The following CFAP46 variants were observed in gnomAD, a reference collection of about 807,000 sequenced individuals.
CFAP46 encodes cilia and flagella associated protein 46, also known as cilia- and flagella-associated protein 46.
In CFAP46, 245 loss-of-function variants were observed where a neutral mutation model predicts 325.7. The observed-to-expected ratio is 0.75, with a 90% confidence interval of 0.68 to 0.84. CFAP46 has a LOEUF of 0.84. CFAP46 is among the 40% of genes least tolerant of loss of function. The probability of loss-of-function intolerance (pLI) is 0.00; values close to 1 mark genes in which losing one functional copy is unlikely to be tolerated. For synonymous variants in CFAP46, 1,523 were observed against 1,495.9 expected (o/e 1.02, Z -0.42); for missense variants, 3,346 against 3,543.0 (o/e 0.94, Z 1.41).
intron 37 of CFAP46, among the ~76,000 whole-genome samples, chr10:132,859,563 A>AGTATCCAGGCG (rs1848695570): frequency 1.3e-5 from 2 of 152,166 alleles, no homozygotes; most frequent in Admixed American, 6.5e-5. Flanking sequence ...CTAGTGGAAC[A>AGTATCCAGGCG]GAAACCCATG....
rs141911793 is a variant in CFAP46, at chr10:132,834,176, G to A, written c.6867-53C>T. On this transcript the variant is annotated intron_variant, in intron 48 of 57. Transcript: ENST00000368586. ...TAAGAAACAGAGATAACAAACGCTT[G>A]GAATATAGGCGACACCTGCTCAGCC... 11,542 of 1,543,016 alleles carry A rather than the reference G, an allele frequency of 7.5e-3. 54 individuals are homozygous for A. Among genetic ancestry groups the A allele is most frequent in the Non-Finnish European group, 8.9e-3 (10,010 of 1,118,664 alleles).
intron 19 of CFAP46, among the ~76,000 whole-genome samples, chr10:132,910,787 C>T (rs1174614458): frequency 6.6e-6 from 1 of 152,216 alleles, no homozygotes; most frequent in Admixed American, 6.5e-5. Flanking sequence ...TCCCTTTCCT[C>T]CCCTCCATCC....
At chr10:132,825,475 C>T (rs758911097) in intron 50 of CFAP46, among the ~76,000 whole-genome samples, 4 of 152,148 alleles carry the variant, frequency 2.6e-5, no homozygotes, top group Non-Finnish European at 4.4e-5. Flanking sequence ...GGCCTGATCA[C>T]GATAATGTCT....
rs527444721 is a variant in CFAP46 at position 132,924,321 on chromosome 10, G to A, written c.1256+375C>T. On this transcript the variant is annotated intron_variant, in intron 11 of 57. Transcript: ENST00000368586. ...TTCCTGTCACCCCTGAGGACACACCGTGCTCCTCCCTGACGCTGGGCCCTC... is the reference window on the plus strand; with the variant it reads ...TTCCTGTCACCCCTGAGGACACACCATGCTCCTCCCTGACGCTGGGCCCTC... Among the ~76,000 whole-genome samples the A allele has an allele frequency of 1.1e-4, 17 of 152,184 alleles. No individual in the cohort carries two copies. The South Asian group carries it at 1.2e-3, about 11-fold the overall frequency.
chr10:132,942,517 G>A lies in CFAP46; in HGVS notation c.-33C>T, dbSNP rs1850125518. 3 of 1,259,502 alleles carry A rather than the reference G, an allele frequency of 2.4e-6. No individual in the cohort carries two copies. The African/African-American group carries it at 4.7e-5, about 20-fold the overall frequency. 78.0% of individuals were successfully genotyped at this position (1,259,502 alleles called of 1,614,324 possible). A position where few individuals can be genotyped will look rare whatever the true frequency, so the allele number is the denominator to read the frequency against. On this transcript the variant is annotated 5_prime_UTR_variant, in exon 1 of 58. Coordinates refer to ENST00000368586, the MANE Select transcript of CFAP46 (RefSeq NM_001200049.3). The stretch of plus-strand genomic sequence containing the variant: ...GCGCCCTGCTCGTCCGCTCTCTCCG[G>A]GGTCCGCGGTGCGTCCTGCCGCCCA...
In CFAP46 at chr10:132,916,579, G is replaced by T. The variant is rs556874104; in HGVS notation, c.2090C>A (p.Pro697Gln). 6.5e-7 allele frequency: 1 copy of T among 1,547,540 alleles called. No individual in the cohort carries two copies. Among genetic ancestry groups the T allele is most frequent in the Non-Finnish European group, 8.7e-7 (1 of 1,145,530 alleles). The change falls in exon 17 of 58, where the codon CCG becomes CAG. Residue 697 changes from proline to glutamine, a missense_variant. Physicochemically the swap from Pro to Gln is moderately conservative, Grantham distance 76 (BLOSUM62 -1). Transcript: ENST00000368586. ...QHPAGYVPEP[P>Q]EVNAEWITYR... is the part of the protein sequence containing the mutation. ...TGTGATCCACTCAGCATTCACCTCC[G>T]GGGGCTCAGGCACGTAGCCAGCTGG...
intron 11 of CFAP46, among the ~76,000 whole-genome samples, chr10:132,923,185 C>T (rs1465500599): frequency 1.3e-5 from 2 of 151,842 alleles, no homozygotes; most frequent in Non-Finnish European, 2.9e-5. Flanking sequence ...CCCCGGAACC[C>T]CTGGCCTCAA....
At chr10:132,856,162 C>T (rs1223717016) in intron 39 of CFAP46, among the ~76,000 whole-genome samples, 1 of 152,244 alleles carries the variant, frequency 6.6e-6, no homozygotes, top group Non-Finnish European at 1.5e-5. Context: ...GCTGGGCTCT[C>T]AGCTACACTG....
At chr10:132,822,921 ATGTGTGCTGATGTGTGCAC>A in intron 50 of CFAP46, among the ~76,000 whole-genome samples, 1 of 87,950 alleles carries the variant, frequency 1.1e-5, no homozygotes, top group Non-Finnish European at 2.1e-5. Flanking sequence ...GTGAGTGCTG[ATGTGTGCTGATGTGTGCAC>A]TGTGTGCTGT....
rs1849129923 is a variant in CFAP46 at position 132,886,313 on chromosome 10, G to A, written c.3305-354C>T. Among the ~76,000 whole-genome samples the A allele has an allele frequency of 6.6e-6, 1 of 152,210 alleles. No homozygotes were observed. ...AGGACTTGGGGTCCTTTCAGGAGTT[G>A]CATGGAAAGCTCCCCCGCGGCCGAG... On this transcript the variant is annotated intron_variant, in intron 25 of 57. Transcript: ENST00000368586. The surrounding 1 kb of genome is among the most constrained non-coding windows in gnomAD (Gnocchi z 5.8).
intron 24 of CFAP46, among the ~76,000 whole-genome samples, chr10:132,893,803 T>C (rs185550492): frequency 6.6e-6 from 1 of 152,376 alleles, no homozygotes; most frequent in Non-Finnish European, 1.5e-5. Flanking sequence ...CCTCTGTCTC[T>C]CCTTCTGCTT....
In CFAP46 at chr10:132,858,289, G is replaced by A. The variant is rs552463955; in HGVS notation, c.5376-501C>T. Among the ~76,000 whole-genome samples the A allele has an allele frequency of 3.7e-3, 528 of 141,466 alleles. 3 individuals carry two copies. The highest frequency in any genetic ancestry group is 0.01 in the South Asian group (44 of 4,204). The allele number at this position is 141,466 out of a possible 152,430, so 92.8% of individuals were successfully genotyped here. ...GGAGGCTTTGCTGGGGGCGGCCCCAGGTTGGGGGCAGGGAGGTGGGCGGGG... is the reference window on the plus strand; with the variant it reads ...GGAGGCTTTGCTGGGGGCGGCCCCAAGTTGGGGGCAGGGAGGTGGGCGGGG... On this transcript the variant is annotated intron_variant, in intron 38 of 57. Transcript: ENST00000368586.
Position 132,810,506 on chromosome 10 carries a change from C to G in CFAP46, c.7584-17G>C. On this transcript the variant is annotated splice_polypyrimidine_tract_variant and intron_variant, in intron 56 of 57. Transcript: ENST00000368586. The stretch of plus-strand genomic sequence containing the variant: ...CCAACAGATCTAGGGGAGAAACGTC[C>G]CCTCAGGAGGGCATGGACACCCTGG... The G allele has an allele frequency of 6.4e-7, 1 of 1,570,104 alleles. No individual in the cohort carries two copies. Among genetic ancestry groups the G allele is most frequent in the Non-Finnish European group, 8.7e-7 (1 of 1,143,464 alleles).
intron 41 of CFAP46, among the ~76,000 whole-genome samples, chr10:132,849,687 C>T (rs1033471050): frequency 6.6e-6 from 1 of 152,156 alleles, no homozygotes; most frequent in African/African-American, 2.4e-5. Context: ...GAAGAAGGTC[C>T]CGACCGCCCT....
At chr10:132,932,904 G>T (rs1317361848) in intron 8 of CFAP46, among the ~76,000 whole-genome samples, 1 of 152,230 alleles carries the variant, frequency 6.6e-6, no homozygotes, top group Non-Finnish European at 1.5e-5. Flanking sequence ...CCTCCGGGAC[G>T]CCTCTCTTCC....
At chr10:132,923,230 T>TTGAG in intron 11 of CFAP46, among the ~76,000 whole-genome samples, 4 of 149,260 alleles carry the variant, frequency 2.7e-5, no homozygotes, top group African/African-American at 1.0e-4. Context: ...CGCCCTGGCC[T>TTGAG]CGAGCAGCCA....
At chr10:132,891,467 G>C (rs970089218) in intron 25 of CFAP46, among the ~76,000 whole-genome samples, 1 of 152,228 alleles carries the variant, frequency 6.6e-6, no homozygotes, top group African/African-American at 2.4e-5. Flanking sequence ...CCAAGTTCCA[G>C]CCTGACTCTA....
Position 132,885,806 on chromosome 10 carries a change from G to C in CFAP46, c.3443+15C>G. On this transcript the variant is annotated intron_variant, in intron 26 of 57. Coordinates refer to ENST00000368586, the MANE Select transcript of CFAP46 (RefSeq NM_001200049.3). The stretch of plus-strand genomic sequence containing the variant: ...GGTGGAGGGAGCACTCACAGGCGGT[G>C]GGGGGAGCACTCACAGGCGGTGGGC... 5 of 1,541,892 alleles carry C rather than the reference G, an allele frequency of 3.2e-6. No individual in the cohort carries two copies. Among genetic ancestry groups the C allele is most frequent in the Non-Finnish European group, 4.4e-6 (5 of 1,142,408 alleles).
rs975692918 is a variant in CFAP46 at position 132,921,985 on chromosome 10, T to A, written c.1606+119A>T. The A allele has an allele frequency of 5.5e-6, 7 of 1,278,388 alleles. No homozygotes were observed. The South Asian group carries it at 1.1e-4, about 20-fold the overall frequency. The allele number at this position is 1,278,388 out of a possible 1,614,324, so 79.2% of individuals were successfully genotyped here. A position where few individuals can be genotyped will look rare whatever the true frequency, so the allele number is the denominator to read the frequency against. On this transcript the variant is annotated intron_variant, in intron 13 of 57. Transcript: ENST00000368586. ...ATCGAAGGACACTGCCGGTGCAAGGTCCTTGTGCATCCAGGGGGCGGTGGC... is the reference window on the plus strand; with the variant it reads ...ATCGAAGGACACTGCCGGTGCAAGGACCTTGTGCATCCAGGGGGCGGTGGC...
Sources: gnomAD v4.1 joint callset for allele counts (sites outside exome capture counted in the v4.1 genomes callset) on GRCh38, gnomAD v4.1.1 for gene constraint, Gnocchi (gnomAD v3.1) non-coding constraint, MANE v1.5 for transcripts, NCBI Gene and HGNC (gene_info 2026-07-23, HGNC 2026-07-21) for gene names.